The following RAD51B variants were observed in gnomAD, a reference collection of about 807,000 sequenced individuals.
RAD51B encodes the protein RAD51 paralog B.
In RAD51B, 38 loss-of-function variants were observed where a neutral mutation model predicts 42.2. The ratio of observed to expected loss-of-function variants is 0.90; its 90% CI spans 0.70 to 1.18. The LOEUF (loss-of-function observed/expected upper bound fraction) is 1.18. Among genes scored for constraint, RAD51B ranks in the 50% most tolerant of loss-of-function variants. The probability of loss-of-function intolerance (pLI) is 0.00; values close to 1 mark genes in which losing one functional copy is unlikely to be tolerated. For synonymous variants in RAD51B, 154 were observed against 145.2 expected (o/e 1.06, Z -0.43); for missense variants, 373 against 400.7 (o/e 0.93, Z 0.59).
chr14:68,489,038 C>T (rs1455958977), intron 10 of RAD51B, among the ~76,000 whole-genome samples: 2 of 152,152 alleles, frequency 1.3e-5, no homozygotes, highest in African/African-American at 2.4e-5. Flanking sequence ...ACCACAACCT[C>T]CACCTCCCAG....
chr14:68,353,697 G>A (rs546678308), intron 8 of RAD51B, among the ~76,000 whole-genome samples: 23 of 152,222 alleles, frequency 1.5e-4, no homozygotes, highest in Non-Finnish European at 2.5e-4. Flanking sequence ...AGAGCCGGGC[G>A]TTGGGGTTGG....
Position 68,551,138 on chromosome 14 carries a change from C to T in RAD51B, c.1037-43347C>T, listed in dbSNP as rs189716903. ...CAAAGCACCTCCTCAGCACTCACTACCCAGTCCCAGGCCTCAGGCGTGCTC... is the reference window on the plus strand; with the variant it reads ...CAAAGCACCTCCTCAGCACTCACTATCCAGTCCCAGGCCTCAGGCGTGCTC... On this transcript the variant is annotated intron_variant, in intron 10 of 10. Coordinates refer to the RAD51B transcript ENST00000487270. Among the ~76,000 whole-genome samples, 100 of 152,276 alleles carry T rather than the reference C, an allele frequency of 6.6e-4. 2 individuals are homozygous for T. Among genetic ancestry groups the T allele is most frequent in the Admixed American group, 2.7e-3 (42 of 15,306 alleles).
At chr14:68,291,847 C>T (rs773685280) in intron 7 of RAD51B, 37 bp from the exon 8 acceptor site, 1 of 1,502,838 alleles carries the variant, frequency 6.7e-7, no homozygotes, top group Non-Finnish European at 9.3e-7. Flanking sequence ...TCTTTCTTCT[C>T]CCTTGCCCCC....
chr14:68,545,938 C>T lies in RAD51B; in HGVS notation c.1037-48547C>T, dbSNP rs75461428. 3.4e-3 allele frequency among the ~76,000 whole-genome samples: 516 copies of T among 152,280 alleles called. 6 individuals are homozygous for T. Among genetic ancestry groups the T allele is most frequent in the African/African-American group, 0.012 (503 of 41,546 alleles). The stretch of plus-strand genomic sequence containing the variant: ...CAAGGGGTGGCACAGATACCTGCCC[C>T]ACCCCATTATTTCCTACCCTGCAAC... On this transcript the variant is annotated intron_variant, in intron 10 of 10. Transcript: ENST00000487270.
chr14:67,947,837 C>G (rs1225638824), intron 7 of RAD51B, among the ~76,000 whole-genome samples: 2 of 152,198 alleles, frequency 1.3e-5, no homozygotes, highest in African/African-American at 4.8e-5. Context: ...ATGGAAAAAT[C>G]TGCAGCCTAA....
At chr14:68,576,243 A>T (rs528630387) in intron 10 of RAD51B, among the ~76,000 whole-genome samples, 1 of 152,332 alleles carries the variant, frequency 6.6e-6, no homozygotes, top group South Asian at 2.1e-4. Context: ...GAAGCTGGTG[A>T]TTCAGCTCCT....
chr14:68,400,483 A>G (rs1325266887), intron 8 of RAD51B, among the ~76,000 whole-genome samples: 1 of 152,346 alleles, frequency 6.6e-6, no homozygotes, highest in South Asian at 2.1e-4. Context: ...TGAAACAAAC[A>G]TCAAGTGGTC....
At chr14:68,627,262 C>G (rs1892106462) in intron 10 of RAD51B, 1 of 152,206 alleles carries the variant, frequency 6.6e-6, no homozygotes, top group Non-Finnish European at 1.5e-5. Flanking sequence ...CCATGGAGAC[C>G]TGGAGGTCAA....
intron 9 of RAD51B, among the ~76,000 whole-genome samples, chr14:68,448,708 T>C (rs2085481154): frequency 6.6e-6 from 1 of 152,224 alleles, no homozygotes; most frequent in African/African-American, 2.4e-5. Flanking sequence ...GGCACCCAGC[T>C]AGAATTTGCC....
chr14:67,910,567 G>A (rs1010020819), intron 7 of RAD51B, among the ~76,000 whole-genome samples: 5 of 151,088 alleles, frequency 3.3e-5, no homozygotes, highest in South Asian at 2.1e-4. Flanking sequence ...TTTTTGACTC[G>A]TAAAGTCAGT....
intron 7 of RAD51B, among the ~76,000 whole-genome samples, chr14:67,915,827 T>C (rs1456878497): frequency 6.6e-6 from 1 of 152,204 alleles, no homozygotes; most frequent in Non-Finnish European, 1.5e-5. Context: ...AAATAATATT[T>C]CCTATTAGAG....
At chr14:68,584,345 A>G (rs1299038363) in intron 10 of RAD51B, among the ~76,000 whole-genome samples, 1 of 152,148 alleles carries the variant, frequency 6.6e-6, no homozygotes, top group Non-Finnish European at 1.5e-5. Flanking sequence ...TGATCTTGTT[A>G]CTGATCTGGT....
rs116953839 is a variant in RAD51B, at chr14:67,896,412, C to G, written c.756+9208C>G. Among the ~76,000 whole-genome samples, 9 of 152,298 alleles carry G rather than the reference C, an allele frequency of 5.9e-5. No individual in the cohort carries two copies. In the East Asian group the frequency reaches 1.7e-3, roughly 29 times the overall value. On this transcript the variant is annotated intron_variant, in intron 7 of 10. Transcript: ENST00000471583. ...TTAATTTAGTATGATGCATGAACTT[C>G]TGTGAGACATCAACCAAGATTTTAT...
At chr14:67,980,507 G>A (rs1028430253) in intron 7 of RAD51B, among the ~76,000 whole-genome samples, 20 of 152,112 alleles carry the variant, frequency 1.3e-4, no homozygotes, top group Non-Finnish European at 1.5e-5. Flanking sequence ...GACTTATAAA[G>A]CTAGAGCAAT....
chr14:67,993,974 T>C (rs2140297530), intron 7 of RAD51B, among the ~76,000 whole-genome samples: 1 of 152,300 alleles, frequency 6.6e-6, no homozygotes. Context: ...TGTTAGTATA[T>C]ATAATAACAG....
chr14:68,586,523 G>A (rs368391203), intron 10 of RAD51B, among the ~76,000 whole-genome samples: 1 of 152,196 alleles, frequency 6.6e-6, no homozygotes, highest in African/African-American at 2.4e-5. Context: ...GGCAGACCAG[G>A]GAGTAAAGGG....
intron 10 of RAD51B, among the ~76,000 whole-genome samples, chr14:68,640,036 A>T (rs1892424523): frequency 2.0e-5 from 3 of 152,138 alleles, no homozygotes; most frequent in Non-Finnish European, 4.4e-5. Context: ...TCCTGACCTC[A>T]AGTGATCCAC....
chr14:68,517,574 C>T (rs565365743), intron 10 of RAD51B, among the ~76,000 whole-genome samples: 1 of 152,284 alleles, frequency 6.6e-6, no homozygotes, highest in Admixed American at 6.5e-5. Context: ...CAGGGGACTG[C>T]AGACCTCACT....
chr14:68,614,477 C>T (rs887728540), downstream of RAD51B, among the ~76,000 whole-genome samples: 26 of 152,060 alleles, frequency 1.7e-4, no homozygotes, highest in Non-Finnish European at 3.2e-4. Flanking sequence ...TTTTCATCAC[C>T]CCCAAAAGAG....
Sources: allele counts gnomAD v4.1 joint callset (sites outside exome capture counted in the v4.1 genomes callset), GRCh38; gene constraint gnomAD v4.1.1; transcripts MANE v1.5; gene names NCBI Gene and HGNC (gene_info 2026-07-23, HGNC 2026-07-21).